The following MRPS27 variants were observed in gnomAD, a reference collection of about 807,000 sequenced individuals.
MRPS27 encodes small ribosomal subunit protein mS27.
Under a neutral mutation model 48.9 loss-of-function variants are expected in MRPS27, and 43 were observed. The observed-to-expected ratio is 0.88, with a 90% CI of 0.69 to 1.13. The LOEUF (loss-of-function observed/expected upper bound fraction) is 1.13. Among genes scored for constraint, MRPS27 ranks in the 50% most tolerant of loss-of-function variants. The pLI is 0.00. For missense variants in MRPS27, 467 were observed against 476.3 expected (o/e 0.98, Z 0.18); for synonymous variants, 188 against 171.9 (o/e 1.09, Z -0.73).
chr5:72,232,487 G>T lies in MRPS27; in HGVS notation c.547C>A (p.Leu183Ile). Residue 183 changes from leucine to isoleucine, a missense_variant, in exon 7 of 11, where the codon CTC becomes ATC. Leu to Ile is a conservative substitution (Grantham distance 5). Transcript: ENST00000261413. ...FEVPSTQLLS[L>I]YVLFHCLAKK... is the part of the protein sequence containing the mutation. ...GCCAGGCAATGAAATAAAACATAGAGGGAGAGAAGTTGGGTGGAAGGCACT... is the reference window on the plus strand; with the variant it reads ...GCCAGGCAATGAAATAAAACATAGATGGAGAGAAGTTGGGTGGAAGGCACT... 6.2e-7 allele frequency: 1 copy of T among 1,612,604 alleles called. No homozygotes were observed. The highest frequency in any genetic ancestry group is 2.2e-5 in the East Asian group (1 of 44,812).
At chr5:72,223,977 T>A in intron 9 of MRPS27, 127 bp from the exon 10 acceptor site, 2 of 947,418 alleles carry the variant, frequency 2.1e-6, no homozygotes, top group Non-Finnish European at 3.1e-6. Flanking sequence ...ATTTCTCTTA[T>A]AAAATTGTAG....
chr5:72,302,702 C>A (rs1402315289), intron 2 of MRPS27, among the ~76,000 whole-genome samples: 1 of 152,134 alleles, frequency 6.6e-6, no homozygotes, highest in African/African-American at 2.4e-5. Context: ...TTGAGGGGAG[C>A]AGTCCTTTTG....
intron 8 of MRPS27, 147 bp downstream of exon 8, chr5:72,228,118 GC>G (rs1561329453): frequency 1.5e-6 from 1 of 684,978 alleles, no homozygotes; most frequent in Admixed American, 2.6e-5. Flanking sequence ...TAACTGTAAG[GC>G]CATCAAGGTC....
intron 4 of MRPS27, among the ~76,000 whole-genome samples, chr5:72,259,269 G>T (rs950148644): frequency 1.3e-5 from 2 of 152,140 alleles, no homozygotes; most frequent in Non-Finnish European, 2.9e-5. Context: ...GGGAGTTTGA[G>T]ACCAGCCTGA....
At chr5:72,316,379 T>C (rs1750564485) in intron 1 of MRPS27, among the ~76,000 whole-genome samples, 1 of 152,208 alleles carries the variant, frequency 6.6e-6, no homozygotes, top group Non-Finnish European at 1.5e-5. Context: ...GTTTCTTTGT[T>C]TGTTTTTGAG....
At chr5:72,257,182 C>T (rs1748831836) in intron 4 of MRPS27, among the ~76,000 whole-genome samples, 2 of 152,032 alleles carry the variant, frequency 1.3e-5, no homozygotes, top group Admixed American at 1.3e-4. Flanking sequence ...GTACACATGC[C>T]AGTCCTATTA....
intron 4 of MRPS27, among the ~76,000 whole-genome samples, chr5:72,243,716 T>C (rs773066672): frequency 6.6e-6 from 1 of 152,226 alleles, no homozygotes; most frequent in Non-Finnish European, 1.5e-5. Context: ...GCTTGAATAT[T>C]TCCAACGAAT....
chr5:72,302,676 T>G (rs1243021185), intron 2 of MRPS27, among the ~76,000 whole-genome samples: 1 of 152,198 alleles, frequency 6.6e-6, no homozygotes, highest in African/African-American at 2.4e-5. Context: ...TTGGAGTGTT[T>G]AGAGGAGCAG....
chr5:72,301,547 T>G (rs1368758877), intron 2 of MRPS27, among the ~76,000 whole-genome samples: 1 of 152,222 alleles, frequency 6.6e-6, no homozygotes, highest in African/African-American at 2.4e-5. Flanking sequence ...CATTTCTTTG[T>G]GGGTTTCACA....
intron 10 of MRPS27, among the ~76,000 whole-genome samples, chr5:72,222,931 C>T (rs748074194): frequency 6.6e-6 from 1 of 152,226 alleles, no homozygotes; most frequent in Admixed American, 6.5e-5. Context: ...TACATCTTAT[C>T]AGTACCAAAA....
At chr5:72,227,374 C>G (rs985150631) in intron 8 of MRPS27, 3 of 152,106 alleles carry the variant, frequency 2.0e-5, no homozygotes, top group Non-Finnish European at 4.4e-5. Flanking sequence ...CTTTGTTAGT[C>G]TGATAGACAG....
intron 4 of MRPS27, among the ~76,000 whole-genome samples, chr5:72,243,203 G>A (rs989987044): frequency 6.6e-5 from 10 of 152,168 alleles, no homozygotes; most frequent in South Asian, 2.1e-4. Context: ...GTGGACTGAG[G>A]ATCTTACCAA....
intron 4 of MRPS27, among the ~76,000 whole-genome samples, chr5:72,264,563 G>C (rs1220138442): frequency 6.6e-6 from 1 of 152,166 alleles, no homozygotes; most frequent in East Asian, 1.9e-4. Context: ...GTCTTTGGAG[G>C]GGGTGTAGGG....
chr5:72,317,338 A>T (rs572888237), intron 1 of MRPS27, among the ~76,000 whole-genome samples: 57 of 152,340 alleles, frequency 3.7e-4, no homozygotes, highest in Non-Finnish European at 7.6e-4. Flanking sequence ...CAAAAGGAGA[A>T]CTAAGAAAAG....
chr5:72,271,410 A>G (rs1256841625), intron 4 of MRPS27, among the ~76,000 whole-genome samples: 1 of 152,248 alleles, frequency 6.6e-6, no homozygotes, highest in African/African-American at 2.4e-5. Flanking sequence ...ACATTTAACA[A>G]GACTTGCAAA....
chr5:72,234,172 T>A lies in MRPS27; in HGVS notation c.422A>T (p.Asn141Ile). The change falls in exon 6 of 11, where the codon AAC (asparagine) becomes ATC (isoleucine). Residue 141 changes from asparagine to isoleucine, a missense_variant. By Grantham distance (149) the Asn-to-Ile change is moderately radical. Coordinates refer to ENST00000261413, the MANE Select transcript of MRPS27 (RefSeq NM_015084.3). ...ATCCATCAGTAAATTGAATGTAAAG[T>A]TATCTGGAAAAATTCCATATTGAAC... ...NKVQYGIFPD[N>I]FTFNLLMDSF... 1 of 1,510,326 alleles carries A rather than the reference T, an allele frequency of 6.6e-7. No individual in the cohort carries two copies. Among genetic ancestry groups the A allele is most frequent in the Non-Finnish European group, 8.8e-7 (1 of 1,133,958 alleles). 93.6% of individuals were successfully genotyped at this position (1,510,326 alleles called of 1,614,324 possible).
chr5:72,254,761 A>C (rs926569108), intron 4 of MRPS27, among the ~76,000 whole-genome samples: 5 of 152,140 alleles, frequency 3.3e-5, no homozygotes, highest in African/African-American at 1.2e-4. Flanking sequence ...CATTAGGTAC[A>C]TTTTATTTTG....
intron 7 of MRPS27, among the ~76,000 whole-genome samples, chr5:72,231,711 T>G (rs943837489): frequency 2.0e-5 from 3 of 152,154 alleles, no homozygotes; most frequent in Non-Finnish European, 2.9e-5. Context: ...CCTCTTCAGT[T>G]CCTACCCAAA....
At chr5:72,269,222 C>T (rs1346074343) in intron 4 of MRPS27, among the ~76,000 whole-genome samples, 1 of 152,034 alleles carries the variant, frequency 6.6e-6, no homozygotes, top group East Asian at 1.9e-4. Context: ...TGCATCTTTC[C>T]GAAAAAGGTA....
Sources: allele counts gnomAD v4.1 joint callset (sites outside exome capture counted in the v4.1 genomes callset), GRCh38; gene constraint gnomAD v4.1.1; transcripts MANE v1.5; gene names NCBI Gene and HGNC (gene_info 2026-07-23, HGNC 2026-07-21).